Variants in ANK2 observed in about 807,000 individuals in gnomAD.
The protein encoded by ANK2 is ankyrin-2.
In ANK2, 83 loss-of-function variants were observed where a neutral mutation model predicts 360.5. The ratio of observed to expected loss-of-function variants is 0.23; its 90% CI spans 0.19 to 0.28. The LOEUF (loss-of-function observed/expected upper bound fraction) is 0.28, where lower values mean the gene tolerates loss of function less well. Ranked by LOEUF, ANK2 falls within the 10% of genes least tolerant of loss-of-function variation. The pLI is 1.00. For missense variants in ANK2, 4,201 were observed against 4,795.7 expected, an observed-to-expected ratio of 0.88 and a Z score of 3.66; for synonymous variants, 1,740 against 1,759.5, an observed-to-expected ratio of 0.99 and a Z score of 0.28.
chr4:113,069,746 C>CTA (rs1208141499), intron 1 of ANK2, among the ~76,000 whole-genome samples: 2 of 152,144 alleles, frequency 1.3e-5, no homozygotes, highest in East Asian at 1.9e-4. Context: ...CCAGTGATAT[C>CTA]TATTAAGTCA....
At chr4:112,810,150 TATA>T in the ANK2 span, among the ~76,000 whole-genome samples, 7 of 25,384 alleles carry the variant, frequency 2.8e-4, no homozygotes, top group South Asian at 1.9e-3. Context: ...TATATATATA[TATA>T]TATATATTTT....
intron 40 of ANK2, among the ~76,000 whole-genome samples, chr4:113,364,228 T>G (rs1033373869): frequency 8.5e-5 from 13 of 152,224 alleles, no homozygotes; most frequent in African/African-American, 2.7e-4. Context: ...CTTAAATGTA[T>G]GTGTAACTCA....
rs1454274993 is a variant in ANK2 at position 113,358,711 on chromosome 4, G to T, written c.10093G>T (p.Asp3365Tyr). ...QRVEQQLSDLDTSVQKTVAPQ... is the reference protein window; with the variant it reads ...QRVEQQLSDLYTSVQKTVAPQ... ...AGTTGAACAGCAGCTCTCAGATCTA[G>T]ACACCTCTGTCCAGAAGACAGTGGC... is the stretch of plus-strand genomic sequence containing the variant. Residue 3365 changes from aspartate (D) to tyrosine (Y), a missense_variant, in exon 38 of 46, where the codon GAC (aspartate) becomes TAC (tyrosine). Coordinates refer to ENST00000357077, the MANE Select transcript of ANK2 (RefSeq NM_001148.6). The T allele has an allele frequency of 1.9e-6, 3 of 1,613,960 alleles. No homozygotes were observed. Among genetic ancestry groups the T allele is most frequent in the Non-Finnish European group, 2.5e-6 (3 of 1,179,978 alleles).
At chr4:112,968,226 G>T (rs2038083902) in intron 2 of ANK2, among the ~76,000 whole-genome samples, 1 of 152,194 alleles carries the variant, frequency 6.6e-6, no homozygotes, top group Non-Finnish European at 1.5e-5. Flanking sequence ...TCAAAGAGGT[G>T]GTGGTACCGC....
rs1429603388 is a variant in ANK2, at chr4:113,357,326, G to T, written c.8708G>T (p.Arg2903Ile). 2 of 1,614,036 alleles carry T rather than the reference G, an allele frequency of 1.2e-6. No individual in the cohort carries two copies. Among genetic ancestry groups the T allele is most frequent in the East Asian group, 4.5e-5 (2 of 44,876 alleles). The change falls in exon 38 of 46, where the codon AGA becomes ATA. Residue 2903 changes from arginine (R) to isoleucine (I), a missense_variant. Arg to Ile is a moderately conservative substitution (Grantham distance 97). Around this residue, in one of 4 missense-constraint regions of ANK2, gnomAD observed 2,642 missense variants for 2,714.5 expected, o/e 0.97. Coordinates refer to ENST00000357077, the MANE Select transcript of ANK2 (RefSeq NM_001148.6). Reference sequence around the variant, plus strand: ...TCATCCATTACTACTCAAACAGATAGATTTTCCATGGATGTTCCCGTGTCT... The same window carrying T: ...TCATCCATTACTACTCAAACAGATATATTTTCCATGGATGTTCCCGTGTCT... ...QDSSITTQTD[R>I]FSMDVPVSDL...
At chr4:112,707,262 A>G in the ANK2 span, among the ~76,000 whole-genome samples, 3 of 152,242 alleles carry the variant, frequency 2.0e-5, no homozygotes, top group Non-Finnish European at 4.4e-5. Flanking sequence ...AAAACGTGAC[A>G]GTAAAATTGA....
At chr4:112,714,411 G>A in the ANK2 span, among the ~76,000 whole-genome samples, 1 of 152,152 alleles carries the variant, frequency 6.6e-6, no homozygotes, top group Non-Finnish European at 1.5e-5. Flanking sequence ...TTGAACTCCT[G>A]GCCTTGAGCA....
intron 4 of ANK2, among the ~76,000 whole-genome samples, chr4:113,207,102 C>T (rs566632161): frequency 6.2e-4 from 92 of 148,598 alleles, no homozygotes; most frequent in South Asian, 1.1e-3. Context: ...CTCTACAAAG[C>T]GTGCACACGC....
chr4:112,785,562 G>A, the ANK2 span, among the ~76,000 whole-genome samples: 10 of 151,890 alleles, frequency 6.6e-5, no homozygotes, highest in South Asian at 2.1e-4. Flanking sequence ...TAATAGAGAC[G>A]GGGTTTCACC....
chr4:113,294,346 C>G (rs569349600), intron 22 of ANK2, among the ~76,000 whole-genome samples: 2 of 152,274 alleles, frequency 1.3e-5, no homozygotes, highest in South Asian at 4.1e-4. Flanking sequence ...CTACTTTAAG[C>G]ATGGATTAAA....
chr4:113,137,281 A>G (rs1200925911), intron 1 of ANK2, among the ~76,000 whole-genome samples: 1 of 152,254 alleles, frequency 6.6e-6, no homozygotes, highest in African/African-American at 2.4e-5. Context: ...CAGTTACAGT[A>G]ATTCAGTCAA....
chr4:113,372,719 T>A (rs1275171318), intron 43 of ANK2: 5 of 870,026 alleles, frequency 5.7e-6, no homozygotes, highest in Non-Finnish European at 9.0e-6. Flanking sequence ...GGCATGTTCC[T>A]TAGGTAGTGC....
chr4:113,184,138 A>G (rs2098469443), intron 2 of ANK2, among the ~76,000 whole-genome samples: 1 of 150,984 alleles, frequency 6.6e-6, no homozygotes, highest in African/African-American at 2.4e-5. Context: ...AGAAGCTTAA[A>G]AGGGATATTT....
At chr4:112,813,350 C>T (rs1382100554), upstream of ANK2, among the ~76,000 whole-genome samples, 2 of 151,376 alleles carry the variant, frequency 1.3e-5, no homozygotes, top group African/African-American at 4.8e-5. Context: ...ACATGTTTCC[C>T]AAAAGCAGAA....
rs758998588 is a variant in ANK2 at position 112,826,269 on chromosome 4, T to C, written c.-40+8005T>C. On this transcript the variant is annotated intron_variant, in intron 1 of 30. Coordinates refer to the ANK2 transcript ENST00000503271. ...CCTATCTCATAACCTGTTGTTACTA[T>C]TTTGACTATAAATTTCTATAGAGTT... The C allele has an allele frequency of 1.2e-5, 6 of 508,980 alleles. No individual in the cohort carries two copies. In the East Asian group the frequency reaches 2.1e-4, roughly 18 times the overall value. 31.5% of individuals were successfully genotyped at this position (508,980 alleles called of 1,614,324 possible).
intron 2 of ANK2, among the ~76,000 whole-genome samples, chr4:113,016,300 A>G (rs569677473): frequency 1.3e-5 from 2 of 152,318 alleles, no homozygotes; most frequent in East Asian, 3.9e-4. Context: ...TATGTGGCCC[A>G]TAGAATCATT....
intron 40 of ANK2, among the ~76,000 whole-genome samples, chr4:113,364,092 T>A (rs1589152632): frequency 6.6e-6 from 1 of 152,050 alleles, no homozygotes; most frequent in South Asian, 2.1e-4. Context: ...TGGGAGGAGG[T>A]GCTCCTTACA....
chr4:112,989,371 G>T (rs752520947), intron 2 of ANK2, among the ~76,000 whole-genome samples: 2 of 152,040 alleles, frequency 1.3e-5, no homozygotes, highest in African/African-American at 2.4e-5. Context: ...ACAAACATAC[G>T]ATAAAACATG....
chr4:112,976,272 C>G (rs2041379592), intron 2 of ANK2, among the ~76,000 whole-genome samples: 1 of 151,970 alleles, frequency 6.6e-6, no homozygotes, highest in Non-Finnish European at 1.5e-5. Flanking sequence ...TGGCTCACTG[C>G]AACCTCCATC....
Sources: gnomAD v4.1 joint callset for allele counts (sites outside exome capture counted in the v4.1 genomes callset) on GRCh38, gnomAD v4.1.1 for gene constraint, gnomAD v4.1.1 regional missense constraint, MANE v1.5 for transcripts, NCBI Gene and HGNC (gene_info 2026-07-23, HGNC 2026-07-21) for gene names.